The following VCAN variants were observed in gnomAD, a reference collection of about 807,000 sequenced individuals.
VCAN encodes versican core protein.
VCAN carries 44 observed loss-of-function variants against 245.5 expected under a neutral mutation model. That is an observed-to-expected ratio of 0.18 (90% confidence interval 0.14 to 0.23). VCAN has a LOEUF of 0.23. Ranked by LOEUF, VCAN falls within the 10% of genes least tolerant of loss-of-function variation. The pLI, the probability that VCAN is intolerant of heterozygous loss-of-function variation, is 1.00. For missense variants in VCAN, 3,793 were observed against 4,057.9 expected, an observed-to-expected ratio of 0.93 and a Z score of 1.77; for synonymous variants, 1,413 against 1,437.0, an observed-to-expected ratio of 0.98 and a Z score of 0.38.
At chr5:83,536,891 A>C in intron 7 of VCAN, 116 bp from the exon 8 acceptor site, 7 of 850,296 alleles carry the variant, frequency 8.2e-6, no homozygotes, top group Middle Eastern at 3.6e-4. Context: ...ACTTATTATG[A>C]AAAGATTTGA....
chr5:83,555,675 T>C (rs1276605109), intron 12 of VCAN, among the ~76,000 whole-genome samples: 1 of 152,208 alleles, frequency 6.6e-6, no homozygotes, highest in Non-Finnish European at 1.5e-5. Flanking sequence ...ATCTAATTTT[T>C]ATAAAGAGTT....
intron 13 of VCAN, among the ~76,000 whole-genome samples, chr5:83,574,458 C>T (rs1748404221): frequency 6.6e-6 from 1 of 152,168 alleles, no homozygotes; most frequent in African/African-American, 2.4e-5. Flanking sequence ...CATGATATAA[C>T]TATCCTGCAT....
At chr5:83,476,466 A>G (rs6884387) in intron 1 of VCAN, among the ~76,000 whole-genome samples, 9,040 of 152,260 alleles carry the variant, frequency 0.059, 868 homozygotes, top group African/African-American at 0.2. Context: ...CATTGTTGGG[A>G]GTTACTTGCT....
At chr5:83,484,076 A>G (rs369018935) in intron 2 of VCAN, among the ~76,000 whole-genome samples, 7 of 152,286 alleles carry the variant, frequency 4.6e-5, no homozygotes, top group African/African-American at 1.7e-4. Context: ...TTGAAATTTT[A>G]TATTCTTCCA....
At chr5:83,525,113 G>C (rs1746244927) in intron 7 of VCAN, among the ~76,000 whole-genome samples, 1 of 142,112 alleles carries the variant, frequency 7.0e-6, no homozygotes, top group Admixed American at 7.3e-5. Flanking sequence ...TGTTATACTT[G>C]CTCAAATGGA....
intron 1 of VCAN, among the ~76,000 whole-genome samples, chr5:83,474,950 A>C (rs1744334175): frequency 6.6e-6 from 1 of 152,178 alleles, no homozygotes; most frequent in African/African-American, 2.4e-5. Flanking sequence ...ATTTACTCCA[A>C]GCAAACTTTT....
intron 12 of VCAN, 70 bp from the exon 13 acceptor site, chr5:83,572,346 A>AT: frequency 6.5e-7 from 1 of 1,545,338 alleles, no homozygotes; most frequent in Non-Finnish European, 8.9e-7. Flanking sequence ...AGATTGTGAT[A>AT]TAATACCGTC....
Position 83,490,276 on chromosome 5 carries a change from C to A in VCAN, c.249C>A (p.Val83=), listed in dbSNP as rs751640388. ...KNGKDLKETT[V]LVAQNGNIKI... is the part of the protein sequence containing the mutation. Reference sequence around the variant, plus strand: ...GAAAAGATTTGAAAGAGACTACTGTCCTTGTGGCCCAAAATGGAAATATCA... The same window carrying A: ...GAAAAGATTTGAAAGAGACTACTGTACTTGTGGCCCAAAATGGAAATATCA... Residue 83 remains valine, a synonymous_variant, in exon 3 of 15, where the codon GTC becomes GTA. Transcript: ENST00000265077. 101 of 1,614,186 alleles carry A rather than the reference C, an allele frequency of 6.3e-5. No homozygotes were observed. Among genetic ancestry groups the A allele is most frequent in the Non-Finnish European group, 8.1e-5 (96 of 1,180,048 alleles).
At chr5:83,551,526 A>G (rs1747470578) in intron 10 of VCAN, among the ~76,000 whole-genome samples, 1 of 152,176 alleles carries the variant, frequency 6.6e-6, no homozygotes, top group South Asian at 2.1e-4. Context: ...AAAATAAAAA[A>G]TAAAAAAGAC....
At chr5:83,527,973 G>C (rs534388805) in intron 7 of VCAN, among the ~76,000 whole-genome samples, 1 of 152,268 alleles carries the variant, frequency 6.6e-6, no homozygotes, top group East Asian at 1.9e-4. Context: ...CCTCGAGAGA[G>C]ACCCATACAC....
chr5:83,473,901 C>T (rs1744289904), intron 1 of VCAN, among the ~76,000 whole-genome samples: 1 of 152,174 alleles, frequency 6.6e-6, no homozygotes, highest in Non-Finnish European at 1.5e-5. Context: ...GAAAAAAGGT[C>T]TTGGTCTGTG....
In VCAN at chr5:83,541,273, C is replaced by T; in HGVS notation, c.8270C>T (p.Ala2757Val). 4 of 1,613,954 alleles carry T rather than the reference C, an allele frequency of 2.5e-6. No individual in the cohort carries two copies. The highest frequency in any genetic ancestry group is 2.2e-5 in the South Asian group (2 of 91,082). Residue 2757 changes from alanine to valine, a missense_variant, in exon 8 of 15, where the codon GCT becomes GTT. Ala to Val is a moderately conservative substitution (Grantham distance 64). Transcript: ENST00000265077. ...GAGGAGTATGAAGACAAAAAACATG[C>T]TGGTCCTTCTTTTCAGCCAGAATTC... ...TQEEYEDKKH[A>V]GPSFQPEFSS...
Position 83,537,454 on chromosome 5 carries a change from A to T in VCAN, c.4451A>T (p.Glu1484Val). 1 of 1,613,996 alleles carries T rather than the reference A, an allele frequency of 6.2e-7. No individual in the cohort carries two copies. Among genetic ancestry groups the T allele is most frequent in the Non-Finnish European group, 8.5e-7 (1 of 1,179,952 alleles). ...TESLEVTWKP[E>V]TYPETSEHFS... Reference sequence around the variant, plus strand: ...TCTCTTGAAGTTACATGGAAGCCTGAGACTTACCCTGAAACATCAGAACAT... The same window carrying T: ...TCTCTTGAAGTTACATGGAAGCCTGTGACTTACCCTGAAACATCAGAACAT... Residue 1484 changes from glutamate to valine, a missense_variant, in exon 8 of 15, where the codon GAG (glutamate) becomes GTG (valine). By Grantham distance (121) the Glu-to-Val change is moderately radical. Transcript: ENST00000265077.
intron 10 of VCAN, 49 bp downstream of exon 10, chr5:83,548,133 T>A (rs555099303): frequency 6.6e-6 from 10 of 1,514,648 alleles, no homozygotes; most frequent in East Asian, 2.3e-5. Flanking sequence ...GATTTTTTTT[T>A]AGCAATTTTG....
At chr5:83,515,580 C>G (rs1745816939) in intron 6 of VCAN, among the ~76,000 whole-genome samples, 2 of 152,278 alleles carry the variant, frequency 1.3e-5, no homozygotes, top group South Asian at 4.1e-4. Flanking sequence ...AAACAGTTTT[C>G]TTGTTTTACA....
chr5:83,572,709 T>G (rs1748330527), intron 13 of VCAN, 149 bp downstream of exon 13: 1 of 1,100,330 alleles, frequency 9.1e-7, no homozygotes, highest in African/African-American at 1.6e-5. Context: ...TATTTCACTC[T>G]TCCAAAACAA....
intron 9 of VCAN, 58 bp from the exon 10 acceptor site, chr5:83,547,913 A>G (rs922521566): frequency 3.1e-5 from 39 of 1,248,370 alleles, no homozygotes; most frequent in Non-Finnish European, 4.2e-5. Context: ...CTCACACTAA[A>G]TGGAATTCTT....
rs903581712 is a variant in VCAN at position 83,538,930 on chromosome 5, C to T, written c.5927C>T (p.Thr1976Ile). ...CAGACTTCACCATCTACAGTACCTA[C>T]TTCAGTTCACATCAGTCACATATCT... Reference protein sequence around the residue: ...DTQTSPSTVPTSVHISHISDS... With the variant: ...DTQTSPSTVPISVHISHISDS... The change falls in exon 8 of 15, where the codon ACT becomes ATT. Residue 1976 changes from threonine (T) to isoleucine (I), a missense_variant. Coordinates refer to ENST00000265077, the MANE Select transcript of VCAN (RefSeq NM_004385.5). The T allele has an allele frequency of 6.2e-7, 1 of 1,614,010 alleles. No individual in the cohort carries two copies. Among genetic ancestry groups the T allele is most frequent in the East Asian group, 2.2e-5 (1 of 44,848 alleles).
chr5:83,580,345 A>G lies in VCAN; in HGVS notation c.10102A>G (p.Lys3368Glu), dbSNP rs2112511308. The change falls in exon 15 of 15, where the codon AAA becomes GAA. Residue 3368 changes from lysine (K) to glutamate (E), a missense_variant. Around this residue, in one of 5 missense-constraint regions of VCAN, gnomAD observed 205 missense variants for 321.1 expected, o/e 0.64. Coordinates refer to ENST00000265077, the MANE Select transcript of VCAN (RefSeq NM_004385.5). ...AAGGACTTATTCTATGAAATACTTT[A>G]AAAATTCCTCATCAGCAAAGGACAA... is the stretch of plus-strand genomic sequence containing the variant. ...YQRTYSMKYFKNSSSAKDNSI... is the reference protein window; with the variant it reads ...YQRTYSMKYFENSSSAKDNSI... 6.2e-7 allele frequency: 1 copy of G among 1,614,000 alleles called. No homozygotes were observed. Among genetic ancestry groups the G allele is most frequent in the Non-Finnish European group, 8.5e-7 (1 of 1,179,962 alleles).
Sources: allele counts gnomAD v4.1 joint callset (sites outside exome capture counted in the v4.1 genomes callset), GRCh38; gene constraint gnomAD v4.1.1; regional missense constraint gnomAD v4.1.1; transcripts MANE v1.5; gene names NCBI Gene and HGNC (gene_info 2026-07-23, HGNC 2026-07-21).